ZNF618: variants seen among roughly 807,000 people sequenced by gnomAD.
ZNF618 encodes zinc finger protein 618.
A neutral mutation model predicts 103.0 loss-of-function variants in ZNF618; 34 were observed. The observed-to-expected ratio is 0.33, with a 90% CI of 0.25 to 0.44. ZNF618 has a LOEUF of 0.44. ZNF618 is among the 20% of genes least tolerant of loss of function. The pLI is 1.00. For synonymous variants in ZNF618, 551 were observed against 542.2 expected (o/e 1.02, Z -0.23); for missense variants, 1,059 against 1,295.4 (o/e 0.82, Z 2.80).
Position 114,049,520 on chromosome 9 carries a change from A to T in ZNF618, c.2218A>T (p.Thr740Ser). 2 of 1,613,658 alleles carry T rather than the reference A, an allele frequency of 1.2e-6. No individual in the cohort carries two copies. The highest frequency in any genetic ancestry group is 1.7e-6 in the Non-Finnish European group (2 of 1,179,770). Residue 740 changes from threonine to serine, a missense_variant, in exon 15 of 15, where the codon ACG becomes TCG. Around this residue, in one of 6 missense-constraint regions of ZNF618, gnomAD observed 272 missense variants for 380.1 expected, o/e 0.72. Transcript: ENST00000374126. ...GCTCAGCAACCTGGCGGCCATCCTG[A>T]CGCCGGTGAAGCAGGCAGTCATCGA... ...HLLSNLAAILTPVKQAVIELS... is the reference protein window; with the variant it reads ...HLLSNLAAILSPVKQAVIELS...
intron 14 of ZNF618, 60 bp downstream of exon 14, chr9:114,048,054 C>A: frequency 7.2e-7 from 1 of 1,394,874 alleles, no homozygotes; most frequent in South Asian, 1.3e-5. Context: ...TTGTTCCTCT[C>A]TGCCCCCCAT....
chr9:113,929,550 C>T (rs949951349), intron 1 of ZNF618, among the ~76,000 whole-genome samples: 3 of 152,120 alleles, frequency 2.0e-5, no homozygotes, highest in African/African-American at 7.2e-5. Context: ...GGCTGTGGCA[C>T]CCTTAAATTA....
chr9:113,985,753 G>A (rs1188114284), intron 2 of ZNF618, among the ~76,000 whole-genome samples: 3 of 152,152 alleles, frequency 2.0e-5, no homozygotes, highest in East Asian at 1.9e-4. Context: ...TCAGGTCCCC[G>A]TCCCACCTCG....
Position 113,995,891 on chromosome 9 carries a change from G to A in ZNF618, c.338-2368G>A, listed in dbSNP as rs891883351. Among the ~76,000 whole-genome samples, 4 of 152,246 alleles carry A rather than the reference G, an allele frequency of 2.6e-5. No individual in the cohort carries two copies. The South Asian group carries it at 6.2e-4, about 24-fold the overall frequency. The stretch of plus-strand genomic sequence containing the variant: ...AGGATTAGGGGTGGGTGAAAGGATC[G>A]TCTTTTGTTTGTAACGTGGCACAAG... On this transcript the variant is annotated intron_variant, in intron 3 of 14. Transcript: ENST00000374126.
At chr9:114,012,529 A>G (rs1261034180) in intron 9 of ZNF618, among the ~76,000 whole-genome samples, 1 of 152,248 alleles carries the variant, frequency 6.6e-6, no homozygotes, top group Non-Finnish European at 1.5e-5. Context: ...GGATGGGGAC[A>G]CAGTTCAGTC....
chr9:114,031,851 C>T (rs759298630), intron 11 of ZNF618, among the ~76,000 whole-genome samples: 22 of 151,950 alleles, frequency 1.4e-4, no homozygotes, highest in Non-Finnish European at 2.8e-4. Context: ...GCCTAGAGCA[C>T]CTTGGAAAAG....
chr9:113,984,431 A>T (rs1461434027), intron 2 of ZNF618, among the ~76,000 whole-genome samples: 1 of 152,178 alleles, frequency 6.6e-6, no homozygotes, highest in Non-Finnish European at 1.5e-5. Context: ...TTTAACAGAC[A>T]AGGAAACAGA....
At chr9:114,048,514 C>T in intron 14 of ZNF618, 137 bp from the exon 15 acceptor site, 2 of 892,650 alleles carry the variant, frequency 2.2e-6, no homozygotes, top group South Asian at 3.6e-5. Flanking sequence ...TAAAGGCAGC[C>T]AGCACCACCC....
chr9:113,942,523 G>A (rs1834648348), intron 1 of ZNF618, among the ~76,000 whole-genome samples: 1 of 152,130 alleles, frequency 6.6e-6, no homozygotes, highest in Non-Finnish European at 1.5e-5. Context: ...ATGCCCTCCA[G>A]TCTTCTCTGT....
chr9:113,899,976 T>A (rs554449898), intron 1 of ZNF618, among the ~76,000 whole-genome samples: 4 of 152,358 alleles, frequency 2.6e-5, no homozygotes, highest in African/African-American at 9.6e-5. Context: ...ATTCATTTTT[T>A]TTTGGTATGT....
At chr9:114,013,656 C>T (rs1013768993) in intron 9 of ZNF618, among the ~76,000 whole-genome samples, 1 of 152,198 alleles carries the variant, frequency 6.6e-6, no homozygotes, top group African/African-American at 2.4e-5. Flanking sequence ...TGGTCTTGAT[C>T]TCCTGACCTT....
intron 1 of ZNF618, among the ~76,000 whole-genome samples, chr9:113,950,554 G>A (rs1250747186): frequency 6.6e-6 from 1 of 152,178 alleles, no homozygotes; most frequent in Admixed American, 6.5e-5. Context: ...ATGTGACGAG[G>A]CTGCCACAGG....
chr9:114,031,033 T>A (rs746561273), intron 11 of ZNF618, among the ~76,000 whole-genome samples: 3 of 152,208 alleles, frequency 2.0e-5, no homozygotes, highest in Non-Finnish European at 2.9e-5. Context: ...TGAAGTCTGA[T>A]TCTGCCGTCT....
intron 1 of ZNF618, among the ~76,000 whole-genome samples, chr9:113,899,564 T>C (rs1830336265): frequency 6.6e-6 from 1 of 152,224 alleles, no homozygotes; most frequent in Non-Finnish European, 1.5e-5. Flanking sequence ...GAGAATCTAA[T>C]GCCTGGTGAT....
At chr9:113,899,379 G>T (rs2131204965) in intron 1 of ZNF618, among the ~76,000 whole-genome samples, 1 of 152,252 alleles carries the variant, frequency 6.6e-6, no homozygotes, top group East Asian at 1.9e-4. Flanking sequence ...CCAGCCTCCA[G>T]GCTGCAGACC....
At chr9:113,970,150 A>G (rs950993547) in intron 2 of ZNF618, among the ~76,000 whole-genome samples, 6 of 152,112 alleles carry the variant, frequency 3.9e-5, no homozygotes, top group African/African-American at 1.4e-4. Flanking sequence ...TAATATGCTA[A>G]TGTGTGTGCT....
chr9:113,948,378 C>T (rs1221486485), intron 1 of ZNF618, among the ~76,000 whole-genome samples: 1 of 152,194 alleles, frequency 6.6e-6, no homozygotes, highest in African/African-American at 2.4e-5. Flanking sequence ...CCACCTCGTG[C>T]CCCTGAGTCT....
At chr9:113,948,639 G>A (rs1359926612) in intron 1 of ZNF618, among the ~76,000 whole-genome samples, 3 of 152,242 alleles carry the variant, frequency 2.0e-5, no homozygotes, top group Admixed American at 2.0e-4. Flanking sequence ...TTAAGTGCCT[G>A]TTTTGTGCCA....
At chr9:114,011,483 G>A (rs1283900920) in intron 9 of ZNF618, among the ~76,000 whole-genome samples, 1 of 152,226 alleles carries the variant, frequency 6.6e-6, no homozygotes, top group African/African-American at 2.4e-5. Flanking sequence ...CTCCCAGCTG[G>A]ACTGAATGGA....
Sources: allele counts gnomAD v4.1 joint callset (sites outside exome capture counted in the v4.1 genomes callset), GRCh38; gene constraint gnomAD v4.1.1; regional missense constraint gnomAD v4.1.1; transcripts MANE v1.5; gene names NCBI Gene and HGNC (gene_info 2026-07-23, HGNC 2026-07-21).